Variants in SVEP1 observed in about 807,000 individuals in gnomAD.
SVEP1 encodes sushi, von Willebrand factor type A, EGF and pentraxin domain-containing protein 1.
Under a neutral mutation model 367.3 loss-of-function variants are expected in SVEP1, and 164 were observed. That is an observed-to-expected ratio of 0.45 (90% CI 0.39 to 0.51). SVEP1 has a LOEUF of 0.51. Ranked by LOEUF, SVEP1 falls within the 20% of genes least tolerant of loss-of-function variation. The pLI is 0.00. For missense variants in SVEP1, 4,117 were observed against 4,425.3 expected (o/e 0.93, Z 1.98); for synonymous variants, 1,666 against 1,611.6 (o/e 1.03, Z -0.81).
At chr9:110,400,764 T>A in intron 40 of SVEP1, 90 bp downstream of exon 40, 1 of 1,354,992 alleles carries the variant, frequency 7.4e-7, no homozygotes, top group Non-Finnish European at 9.9e-7. Flanking sequence ...GAGACCAAAG[T>A]CAGTAAAACA....
intron 41 of SVEP1, 80 bp downstream of exon 41, chr9:110,389,444 C>G: frequency 1.3e-6 from 2 of 1,531,510 alleles, no homozygotes; most frequent in South Asian, 1.2e-5. Flanking sequence ...ACAAAACTAA[C>G]CTATAAAGAA....
intron 1 of SVEP1, among the ~76,000 whole-genome samples, chr9:110,551,125 T>C (rs1194803776): frequency 6.6e-6 from 1 of 152,234 alleles, no homozygotes; most frequent in Non-Finnish European, 1.5e-5. Context: ...CTACATGTTT[T>C]TCAGAAGGTA....
At chr9:110,383,189 T>C (rs569788457) in intron 43 of SVEP1, among the ~76,000 whole-genome samples, 2 of 152,344 alleles carry the variant, frequency 1.3e-5, no homozygotes, top group East Asian at 1.9e-4. Context: ...TTTTCTCATC[T>C]TCCTGAGTTC....
chr9:110,557,050 G>A (rs934221487), intron 1 of SVEP1, among the ~76,000 whole-genome samples: 6 of 151,984 alleles, frequency 3.9e-5, no homozygotes, highest in Non-Finnish European at 8.8e-5. Flanking sequence ...ATTTCACCAC[G>A]CCTTGTCTGT....
Position 110,411,227 on chromosome 9 carries a change from A to T in SVEP1, c.6484T>A (p.Tyr2162Asn). The T allele has an allele frequency of 6.2e-7, 1 of 1,613,988 alleles. No homozygotes were observed. The highest frequency in any genetic ancestry group is 8.5e-7 in the Non-Finnish European group (1 of 1,179,894). Reference protein sequence around the residue: ...IMNGYASGSNYSFGAMVAYSC... With the variant: ...IMNGYASGSNNSFGAMVAYSC... ...TAAGCCACCATGGCTCCAAAACTGT[A>T]GTTTGATCCACTTGCATAGCCATTC... The change falls in exon 37 of 48, where the codon TAC becomes AAC. Residue 2162 changes from tyrosine to asparagine, a missense_variant. Around this residue, in one of 4 missense-constraint regions of SVEP1, gnomAD observed 1,765 missense variants for 1,781.1 expected, o/e 0.99. Transcript: ENST00000374469.
intron 47 of SVEP1, 79 bp downstream of exon 47, chr9:110,369,844 A>ACTT: frequency 1.7e-6 from 2 of 1,163,100 alleles, no homozygotes; most frequent in Non-Finnish European, 2.4e-6. Context: ...GACAGAGATA[A>ACTT]CTTCTGGCTC....
chr9:110,390,312 T>TATATATACTTATATATATACTTATATAA (rs1564127528), intron 40 of SVEP1, among the ~76,000 whole-genome samples: 2 of 10,990 alleles, frequency 1.8e-4, no homozygotes, highest in African/African-American at 1.1e-3. Context: ...TATATAAGTA[T>TATATATACTTATATATATACTTATATAA]GTGTATATAT....
intron 36 of SVEP1, among the ~76,000 whole-genome samples, chr9:110,412,052 T>TTAA (rs1480763451): frequency 6.6e-6 from 1 of 152,210 alleles, no homozygotes; most frequent in Non-Finnish European, 1.5e-5. Context: ...CATTGTGATA[T>TTAA]TAATATTTGC....
intron 14 of SVEP1, among the ~76,000 whole-genome samples, chr9:110,475,149 C>G (rs1335440838): frequency 2.0e-5 from 3 of 151,814 alleles, no homozygotes; most frequent in Non-Finnish European, 4.4e-5. Context: ...TAAACATATG[C>G]ACAAATGATA....
rs754121944 is a variant in SVEP1 at position 110,408,081 on chromosome 9, C to T, written c.7519G>A (p.Gly2507Ser). 3 of 1,612,846 alleles carry T rather than the reference C, an allele frequency of 1.9e-6. No individual in the cohort carries two copies. The highest frequency in any genetic ancestry group is 1.7e-6 in the Non-Finnish European group (2 of 1,179,554). The change falls in exon 38 of 48, where the codon GGC becomes AGC. Residue 2507 changes from glycine to serine, a missense_variant. Physicochemically the swap from Gly to Ser is moderately conservative, Grantham distance 56. Around this residue, in one of 4 missense-constraint regions of SVEP1, gnomAD observed 1,765 missense variants for 1,781.1 expected, o/e 0.99. Coordinates refer to ENST00000374469, the MANE Select transcript of SVEP1 (RefSeq NM_153366.4). The stretch of plus-strand genomic sequence containing the variant: ...TGTAGGTCCGTGTAAGAGAATTTGC[C>T]ATTCAAAATCTCCTTGGGTTTCAGG... ...ECLKPKEILN[G>S]KFSYTDLHYG... is the part of the protein sequence containing the mutation.
At chr9:110,459,155 A>T (rs1027310892) in intron 18 of SVEP1, 42 bp from the exon 19 acceptor site, 17 of 1,578,606 alleles carry the variant, frequency 1.1e-5, no homozygotes, top group Non-Finnish European at 1.3e-5. Flanking sequence ...ATAAAGTAAC[A>T]CACCCTACAT....
At chr9:110,374,890 C>T (rs1588018099) in intron 46 of SVEP1, among the ~76,000 whole-genome samples, 1 of 152,014 alleles carries the variant, frequency 6.6e-6, no homozygotes, top group East Asian at 1.9e-4. Context: ...ATGTTCATTT[C>T]AGCACTATGC....
chr9:110,534,124 C>G (rs1423956209), intron 3 of SVEP1, among the ~76,000 whole-genome samples: 2 of 152,108 alleles, frequency 1.3e-5, no homozygotes, highest in Non-Finnish European at 2.9e-5. Flanking sequence ...TTTCATCACC[C>G]AGGTACTGAG....
chr9:110,451,419 A>C lies in SVEP1; in HGVS notation c.3788-17T>G. On this transcript the variant is annotated splice_polypyrimidine_tract_variant and intron_variant, in intron 22 of 47. Transcript: ENST00000374469. Reference sequence around the variant, plus strand: ...ACCGCTGACCTGCAAAGAATCATTCATCTTTGAGCTGGAGAAAACTTGACA... The same window carrying C: ...ACCGCTGACCTGCAAAGAATCATTCCTCTTTGAGCTGGAGAAAACTTGACA... 1 of 1,598,224 alleles carries C rather than the reference A, an allele frequency of 6.3e-7. No homozygotes were observed.
rs965992669 is a variant in SVEP1, at chr9:110,465,935, C to T, written c.3252G>A (p.Arg1084=). The T allele has an allele frequency of 6.2e-7, 1 of 1,612,900 alleles. No homozygotes were observed. The highest frequency in any genetic ancestry group is 8.5e-7 in the Non-Finnish European group (1 of 1,179,424). Residue 1084 remains arginine, a synonymous_variant, in exon 18 of 48, where the codon CGG becomes CGA. Coordinates refer to ENST00000374469, the MANE Select transcript of SVEP1 (RefSeq NM_153366.4). Reference sequence around the variant, plus strand: ...TGTTTTCTGGACACGAGAGGCAGCTCCGGGAACCAAATTTTGGCTGATAAG... The same window carrying T: ...TGTTTTCTGGACACGAGAGGCAGCTTCGGGAACCAAATTTTGGCTGATAAG... ...LGTYQPKFGS[R]SCLSCPENTS...
intron 11 of SVEP1, among the ~76,000 whole-genome samples, 197 bp from the exon 12 acceptor site, chr9:110,481,633 T>A (rs1200341972): frequency 1.3e-5 from 2 of 152,176 alleles, no homozygotes; most frequent in Non-Finnish European, 2.9e-5. Flanking sequence ...ATTGAAAAGC[T>A]GTACCTACGT....
At chr9:110,491,590 G>GGGGGGTGTGTGTGT (rs76905358) in intron 8 of SVEP1, among the ~76,000 whole-genome samples, 1 of 147,732 alleles carries the variant, frequency 6.8e-6, no homozygotes, top group African/African-American at 2.5e-5. Flanking sequence ...TATAGAATGG[G>GGGGGGTGTGTGTGT]GTGTGTGTGT....
rs3739448 is a variant in SVEP1 at position 110,430,493 on chromosome 9, A to G, written c.5354-43T>C. On this transcript the variant is annotated intron_variant, in intron 32 of 47. Coordinates refer to ENST00000374469, the MANE Select transcript of SVEP1 (RefSeq NM_153366.4). ...TGGTGGAATAATAAGTGGCTTTCAC[A>G]CAACCATGCAAAGTCTCACAGCAAA... 57,741 of 1,558,916 alleles carry G rather than the reference A, an allele frequency of 0.037. 5,650 individuals carry two copies. The East Asian group carries it at 0.39, about 11-fold the overall frequency.
intron 40 of SVEP1, among the ~76,000 whole-genome samples, chr9:110,396,231 C>T (rs2118985255): frequency 1.3e-5 from 2 of 151,708 alleles, no homozygotes; most frequent in South Asian, 4.2e-4. Flanking sequence ...AACTGAACAA[C>T]CTGCTCCTGA....
Sources: allele counts gnomAD v4.1 joint callset (sites outside exome capture counted in the v4.1 genomes callset), GRCh38; gene constraint gnomAD v4.1.1; regional missense constraint gnomAD v4.1.1; transcripts MANE v1.5; gene names NCBI Gene and HGNC (gene_info 2026-07-23, HGNC 2026-07-21).